DDR2: variants seen among roughly 807,000 people sequenced by gnomAD.
DDR2 encodes the protein discoidin domain receptor tyrosine kinase 2.
DDR2 carries 27 observed loss-of-function variants against 94.9 expected under a neutral mutation model. The ratio of observed to expected loss-of-function variants is 0.28; its 90% CI spans 0.21 to 0.39. The LOEUF (loss-of-function observed/expected upper bound fraction) is 0.39. Ranked by LOEUF, DDR2 falls within the 10% of genes least tolerant of loss-of-function variation. The pLI, the probability that DDR2 is intolerant of heterozygous loss-of-function variation, is 1.00. For missense variants in DDR2, 783 were observed against 1,076.0 expected (o/e 0.73, Z 3.81); for synonymous variants, 382 against 377.2 (o/e 1.01, Z -0.15).
chr1:162,644,104 C>G (rs1317290742), intron 1 of DDR2, among the ~76,000 whole-genome samples: 2 of 152,116 alleles, frequency 1.3e-5, no homozygotes, highest in Non-Finnish European at 2.9e-5. Context: ...TGGAAATAAG[C>G]TAATATTTGG....
intron 3 of DDR2, among the ~76,000 whole-genome samples, chr1:162,751,769 T>C (rs933673674): frequency 6.6e-6 from 1 of 152,188 alleles, no homozygotes; most frequent in Non-Finnish European, 1.5e-5. Context: ...AATGATAGAC[T>C]GGATTAAGAA....
chr1:162,675,030 C>A (rs1659062066), intron 2 of DDR2, among the ~76,000 whole-genome samples: 1 of 151,914 alleles, frequency 6.6e-6, no homozygotes, highest in Non-Finnish European at 1.5e-5. Flanking sequence ...TGGTGGTGGG[C>A]ACCTGTAATT....
intron 1 of DDR2, among the ~76,000 whole-genome samples, chr1:162,654,164 A>T (rs1020481163): frequency 6.6e-6 from 1 of 152,208 alleles, no homozygotes; most frequent in Non-Finnish European, 1.5e-5. Context: ...ATCTCAAGGC[A>T]TGGTGGCTCA....
chr1:162,755,037 A>G, intron 5 of DDR2, 119 bp from the exon 6 acceptor site: 1 of 1,495,264 alleles, frequency 6.7e-7, no homozygotes. Context: ...GGGAAAGCAG[A>G]GTAGATGCAT....
intron 1 of DDR2, among the ~76,000 whole-genome samples, chr1:162,638,582 A>G (rs1656956470): frequency 6.6e-6 from 1 of 152,182 alleles, no homozygotes. Flanking sequence ...GTAAAAGAAA[A>G]TCGCACTTTG....
In DDR2 at chr1:162,755,773, A is replaced by C; in HGVS notation, c.671+4A>C. 6.2e-7 allele frequency: 1 copy of C among 1,612,694 alleles called. No homozygotes were observed. Among genetic ancestry groups the C allele is most frequent in the South Asian group, 1.1e-5 (1 of 91,044 alleles). ...ATGATGGAGCTGTTGGATACAGGTA[A>C]ATCCTGGGAAACTTTATTAGAATGG... On this transcript the variant is annotated splice_donor_region_variant and intron_variant, in intron 7 of 17. Transcript: ENST00000367921.
intron 14 of DDR2, among the ~76,000 whole-genome samples, chr1:162,774,597 G>A (rs1161230803): frequency 2.6e-5 from 4 of 152,110 alleles, no homozygotes; most frequent in East Asian, 1.9e-4. Context: ...ATAGAGAGAC[G>A]AAGTATTTCT....
chr1:162,700,463 G>A (rs1292353018), intron 2 of DDR2, among the ~76,000 whole-genome samples: 3 of 152,130 alleles, frequency 2.0e-5, no homozygotes, highest in Non-Finnish European at 4.4e-5. Flanking sequence ...ATTCACACTT[G>A]GGGGAATATT....
chr1:162,658,221 C>T (rs776952128), intron 2 of DDR2, among the ~76,000 whole-genome samples: 15 of 152,104 alleles, frequency 9.9e-5, no homozygotes, highest in Non-Finnish European at 2.2e-4. Context: ...TTCTGCTGTG[C>T]ACGCTTTCTA....
intron 3 of DDR2, among the ~76,000 whole-genome samples, chr1:162,722,093 A>G (rs900749889): frequency 6.6e-6 from 1 of 152,148 alleles, no homozygotes; most frequent in Non-Finnish European, 1.5e-5. Flanking sequence ...ACATTTAAAA[A>G]AACTCTCTAG....
chr1:162,771,931 G>C (rs994076771), intron 12 of DDR2, 93 bp from the exon 13 acceptor site: 3 of 1,335,426 alleles, frequency 2.2e-6, no homozygotes, highest in Non-Finnish European at 3.1e-6. Context: ...GCTTTCACAG[G>C]GGCATGTTTT....
intron 1 of DDR2, among the ~76,000 whole-genome samples, chr1:162,634,181 C>T (rs927431095): frequency 6.6e-5 from 10 of 152,148 alleles, no homozygotes; most frequent in Admixed American, 2.0e-4. Context: ...CTTGGCTGAA[C>T]ATTTGTCTGG....
At chr1:162,678,203 C>T (rs1659228994) in intron 2 of DDR2, among the ~76,000 whole-genome samples, 1 of 152,114 alleles carries the variant, frequency 6.6e-6, no homozygotes, top group Admixed American at 6.6e-5. Context: ...TAGTTATCTA[C>T]TAGTTACCTA....
intron 2 of DDR2, among the ~76,000 whole-genome samples, chr1:162,670,920 GCTTTTTC>G (rs1247313642): frequency 6.6e-6 from 1 of 152,156 alleles, no homozygotes; most frequent in East Asian, 1.9e-4. Context: ...GTGGGATGCT[GCTTTTTC>G]CTTTGGCCCT....
At chr1:162,744,851 C>T (rs879405163) in intron 3 of DDR2, among the ~76,000 whole-genome samples, 6 of 152,204 alleles carry the variant, frequency 3.9e-5, no homozygotes, top group Non-Finnish European at 7.3e-5. Flanking sequence ...GATTTAGATC[C>T]TCTTGGGTAT....
intron 3 of DDR2, among the ~76,000 whole-genome samples, chr1:162,735,198 C>T (rs1662235793): frequency 6.6e-6 from 1 of 152,182 alleles, no homozygotes; most frequent in African/African-American, 2.4e-5. Flanking sequence ...CAGAGGTTGA[C>T]TCAGGGAGAG....
At chr1:162,694,156 T>C (rs972407355) in intron 2 of DDR2, among the ~76,000 whole-genome samples, 1 of 152,206 alleles carries the variant, frequency 6.6e-6, no homozygotes, top group Admixed American at 6.5e-5. Flanking sequence ...GTTTCTTAAC[T>C]CTGCCTTCCC....
chr1:162,673,788 C>T (rs1461931841), intron 2 of DDR2, among the ~76,000 whole-genome samples: 4 of 152,072 alleles, frequency 2.6e-5, no homozygotes, highest in African/African-American at 9.7e-5. Context: ...GCATTTCCCC[C>T]CATGGACCAT....
At chr1:162,710,011 G>A (rs1660826095) in intron 2 of DDR2, among the ~76,000 whole-genome samples, 1 of 152,192 alleles carries the variant, frequency 6.6e-6, no homozygotes, top group Non-Finnish European at 1.5e-5. Context: ...AGTACAGACA[G>A]GAAACTAGGT....
Sources: gnomAD v4.1 joint callset for allele counts (sites outside exome capture counted in the v4.1 genomes callset) on GRCh38, gnomAD v4.1.1 for gene constraint, MANE v1.5 for transcripts, NCBI Gene and HGNC (gene_info 2026-07-23, HGNC 2026-07-21) for gene names.